TENM3: variants seen among roughly 807,000 people sequenced by gnomAD.
TENM3 encodes teneurin-3.
In TENM3, 63 loss-of-function variants were observed where a neutral mutation model predicts 255.1. The ratio of observed to expected loss-of-function variants is 0.25; its 90% confidence interval spans 0.20 to 0.30. The LOEUF is 0.30. Among genes scored for constraint, TENM3 ranks in the 10% least tolerant of loss-of-function variants. The pLI, the probability that TENM3 is intolerant of heterozygous loss-of-function variation, is 1.00. For missense variants in TENM3, 2,929 were observed against 3,461.1 expected (o/e 0.85, Z 3.86); for synonymous variants, 1,306 against 1,322.3 (o/e 0.99, Z 0.27).
the TENM3 span, among the ~76,000 whole-genome samples, chr4:182,134,786 C>A: frequency 6.6e-6 from 1 of 152,080 alleles, no homozygotes; most frequent in Non-Finnish European, 1.5e-5. Flanking sequence ...TCACATGGCC[C>A]GTAGGAGCTT....
At chr4:181,554,505 A>C in the TENM3 span, among the ~76,000 whole-genome samples, 6 of 152,324 alleles carry the variant, frequency 3.9e-5, no homozygotes, top group East Asian at 1.2e-3. Flanking sequence ...GATTCAAGAG[A>C]ATCTAGTTCA....
At chr4:182,267,626 T>A (rs1561263079) in intron 1 of TENM3, among the ~76,000 whole-genome samples, 1 of 151,866 alleles carries the variant, frequency 6.6e-6, no homozygotes, top group African/African-American at 2.4e-5. Flanking sequence ...TCACAGATAT[T>A]GGAGTGTGCA....
At chr4:181,826,987 A>G in the TENM3 span, among the ~76,000 whole-genome samples, 119,258 of 152,102 alleles carry the variant, frequency 0.78, 49,026 homozygotes, top group Non-Finnish European at 0.9. Context: ...ATTCAGAACC[A>G]GGAGGCTATG....
At chr4:182,263,897 G>A (rs1332913644) in intron 1 of TENM3, among the ~76,000 whole-genome samples, 1 of 152,094 alleles carries the variant, frequency 6.6e-6, no homozygotes, top group East Asian at 1.9e-4. Context: ...GCTAATGTCT[G>A]TGTTTTATCA....
chr4:182,432,116 A>C (rs933071974), intron 3 of TENM3, among the ~76,000 whole-genome samples: 1 of 152,024 alleles, frequency 6.6e-6, no homozygotes, highest in Non-Finnish European at 1.5e-5. Flanking sequence ...AAAGAAAAAA[A>C]GTAAGAGCCA....
intron 1 of TENM3, among the ~76,000 whole-genome samples, chr4:182,272,423 G>T (rs1759704278): frequency 2.0e-5 from 3 of 152,160 alleles, no homozygotes; most frequent in Admixed American, 2.0e-4. Context: ...ACCAGATAAA[G>T]AAACAAATGA....
chr4:181,968,019 C>A, the TENM3 span, among the ~76,000 whole-genome samples: 1 of 152,140 alleles, frequency 6.6e-6, no homozygotes, highest in African/African-American at 2.4e-5. Flanking sequence ...AGTTCTGCTC[C>A]CAAATTCTAG....
intron 1 of TENM3, among the ~76,000 whole-genome samples, chr4:182,286,056 C>T (rs10520522): frequency 0.029 from 4,417 of 152,202 alleles, 222 homozygotes; most frequent in African/African-American, 0.1. Context: ...GAACTGTTCA[C>T]GCAGTACCCC....
the TENM3 span, among the ~76,000 whole-genome samples, chr4:181,746,754 TA>T: frequency 1.3e-5 from 2 of 150,126 alleles, no homozygotes; most frequent in Non-Finnish European, 3.0e-5. Context: ...ACTAATCAGC[TA>T]TTTTTTTTTT....
upstream of TENM3, among the ~76,000 whole-genome samples, chr4:182,242,860 T>C (rs1395186166): frequency 6.6e-6 from 1 of 152,210 alleles, no homozygotes; most frequent in Non-Finnish European, 1.5e-5. Flanking sequence ...GATGGTAGCC[T>C]GTATGTGGGT....
chr4:181,458,623 T>C, the TENM3 span, among the ~76,000 whole-genome samples: 1 of 152,084 alleles, frequency 6.6e-6, no homozygotes, highest in East Asian at 1.9e-4. Context: ...TATGACCACT[T>C]GGCCTCCCCA....
chr4:182,536,496 A>G (rs1317333073), intron 3 of TENM3, among the ~76,000 whole-genome samples: 4 of 152,230 alleles, frequency 2.6e-5, no homozygotes, highest in Admixed American at 6.5e-5. Context: ...GGCTGATGGC[A>G]GCTCACAAGT....
At chr4:181,555,948 ATAAC>A in the TENM3 span, among the ~76,000 whole-genome samples, 1 of 152,214 alleles carries the variant, frequency 6.6e-6, no homozygotes, top group Non-Finnish European at 1.5e-5. Context: ...TGATGAATAA[ATAAC>A]TAGCCAGTCT....
the TENM3 span, among the ~76,000 whole-genome samples, chr4:182,093,090 T>C: frequency 2.4e-4 from 37 of 152,182 alleles, no homozygotes; most frequent in South Asian, 4.1e-4. Flanking sequence ...CTGAAAATAA[T>C]TCCCTCCAGT....
At chr4:182,634,217 T>C (rs1426005655) in intron 5 of TENM3, among the ~76,000 whole-genome samples, 1 of 152,124 alleles carries the variant, frequency 6.6e-6, no homozygotes, top group African/African-American at 2.4e-5. Flanking sequence ...TAGTAAGTTG[T>C]AGAAACCAAA....
chr4:181,786,128 G>A, the TENM3 span, among the ~76,000 whole-genome samples: 18 of 152,060 alleles, frequency 1.2e-4, no homozygotes, highest in African/African-American at 2.2e-4. Flanking sequence ...GAAAAATCCC[G>A]TCTAAGAGAA....
the TENM3 span, among the ~76,000 whole-genome samples, chr4:181,512,836 C>T: frequency 6.6e-6 from 1 of 152,144 alleles, no homozygotes; most frequent in African/African-American, 2.4e-5. Flanking sequence ...AGTCTAGACA[C>T]ATTTAGATTA....
chr4:181,892,366 C>T, the TENM3 span, among the ~76,000 whole-genome samples: 2 of 152,138 alleles, frequency 1.3e-5, no homozygotes, highest in African/African-American at 4.8e-5. Context: ...GACTTTACTT[C>T]TCATTTTTAA....
the TENM3 span, among the ~76,000 whole-genome samples, chr4:181,994,851 C>T: frequency 6.6e-6 from 1 of 152,132 alleles, no homozygotes; most frequent in Non-Finnish European, 1.5e-5. Flanking sequence ...CCTTCACAAC[C>T]TATCACATAA....
Sources: allele counts gnomAD v4.1 joint callset (sites outside exome capture counted in the v4.1 genomes callset), GRCh38; gene constraint gnomAD v4.1.1; transcripts MANE v1.5; gene names NCBI Gene and HGNC (gene_info 2026-07-23, HGNC 2026-07-21).